Variants in CHSY3 observed in about 807,000 individuals in gnomAD.
The protein encoded by CHSY3 is N-acetylgalactosaminyl-proteoglycan 3-beta-glucuronosyltransferase 3.
In CHSY3, 35 loss-of-function variants were observed where a neutral mutation model predicts 67.2. The observed-to-expected ratio is 0.52, with a 90% confidence interval of 0.40 to 0.69. CHSY3 has a LOEUF of 0.69. CHSY3 is among the 30% of genes least tolerant of loss of function. CHSY3 has a pLI of 0.00. For synonymous variants in CHSY3, 474 were observed against 434.7 expected, an observed-to-expected ratio of 1.09 and a Z score of -1.12; for missense variants, 1,069 against 1,138.5, an observed-to-expected ratio of 0.94 and a Z score of 0.88.
intron 2 of CHSY3, among the ~76,000 whole-genome samples, chr5:130,096,613 CAAAAT>C (rs1767056081): frequency 6.6e-6 from 1 of 152,130 alleles, no homozygotes; most frequent in Non-Finnish European, 1.5e-5. Flanking sequence ...AAAGTTATCT[CAAAAT>C]AAAGTTTTTT....
chr5:130,176,253 G>A (rs1057342258), intron 2 of CHSY3, among the ~76,000 whole-genome samples: 1 of 151,904 alleles, frequency 6.6e-6, no homozygotes, highest in African/African-American at 2.4e-5. Flanking sequence ...GAAAAAAAAA[G>A]CCCATCATCA....
chr5:130,148,210 T>A (rs1196445183), intron 2 of CHSY3, among the ~76,000 whole-genome samples: 1 of 152,216 alleles, frequency 6.6e-6, no homozygotes, highest in Non-Finnish European at 1.5e-5. Context: ...TCCGTTCATG[T>A]TCCTGCAAAG....
chr5:129,937,227 A>C (rs1164450762), intron 2 of CHSY3, among the ~76,000 whole-genome samples: 1 of 152,178 alleles, frequency 6.6e-6, no homozygotes. Context: ...AGCCCTCAGG[A>C]AACTTTATGG....
At chr5:130,015,712 C>T (rs79133056) in intron 2 of CHSY3, among the ~76,000 whole-genome samples, 1,973 of 152,270 alleles carry the variant, frequency 0.013, 141 homozygotes, top group Admixed American at 0.1. Flanking sequence ...TATGATTCAA[C>T]CCATCAATCC....
At chr5:129,997,016 C>T (rs1231218672) in intron 2 of CHSY3, among the ~76,000 whole-genome samples, 3 of 151,774 alleles carry the variant, frequency 2.0e-5, no homozygotes, top group Non-Finnish European at 4.4e-5. Context: ...ACTATGCCTT[C>T]TGTCAATACT....
At chr5:130,045,426 A>G (rs1178438059) in intron 2 of CHSY3, among the ~76,000 whole-genome samples, 1 of 152,012 alleles carries the variant, frequency 6.6e-6, no homozygotes, top group Non-Finnish European at 1.5e-5. Context: ...AGTGTTTAGA[A>G]TGGAGTGGAG....
At chr5:130,039,260 G>A (rs1764942778) in intron 2 of CHSY3, among the ~76,000 whole-genome samples, 2 of 152,010 alleles carry the variant, frequency 1.3e-5, no homozygotes, top group African/African-American at 2.4e-5. Context: ...ACCAAGGCAC[G>A]AGGATTGCTT....
chr5:130,020,756 T>G (rs1444711327), intron 2 of CHSY3, among the ~76,000 whole-genome samples: 1 of 151,988 alleles, frequency 6.6e-6, no homozygotes, highest in African/African-American at 2.4e-5. Flanking sequence ...AGCAATAACT[T>G]ATGAAGTGTG....
chr5:130,006,467 T>C (rs1044347156), intron 2 of CHSY3, among the ~76,000 whole-genome samples: 1 of 152,184 alleles, frequency 6.6e-6, no homozygotes, highest in African/African-American at 2.4e-5. Context: ...TCTGTGATGA[T>C]CTGGGTTGAG....
chr5:130,085,575 A>G (rs1038878194), intron 2 of CHSY3, among the ~76,000 whole-genome samples: 9 of 151,906 alleles, frequency 5.9e-5, no homozygotes, highest in African/African-American at 1.9e-4. Context: ...TGGATTCATT[A>G]ATTTTTTGAA....
At chr5:130,143,770 ATATATATATATGTG>A (rs1404987724) in intron 2 of CHSY3, among the ~76,000 whole-genome samples, 15 of 82,436 alleles carry the variant, frequency 1.8e-4, no homozygotes, top group East Asian at 9.9e-4. Context: ...GTGTGTGTGT[ATATATATATATGTG>A]TATATATATA....
chr5:129,981,632 C>T (rs1460528279), intron 2 of CHSY3, among the ~76,000 whole-genome samples: 1 of 152,146 alleles, frequency 6.6e-6, no homozygotes, highest in Non-Finnish European at 1.5e-5. Context: ...AATCCTCCCA[C>T]CTCAGCCTCC....
At chr5:130,131,236 C>G (rs999608313) in intron 2 of CHSY3, among the ~76,000 whole-genome samples, 1 of 152,046 alleles carries the variant, frequency 6.6e-6, no homozygotes, top group Non-Finnish European at 1.5e-5. Flanking sequence ...TCTTCTCTTT[C>G]TCTCACTTTT....
intron 2 of CHSY3, among the ~76,000 whole-genome samples, chr5:130,036,851 A>C (rs948966966): frequency 1.1e-4 from 17 of 152,234 alleles, no homozygotes; most frequent in African/African-American, 4.1e-4. Context: ...AGATAGAAGA[A>C]TAACTCCACA....
At chr5:130,115,170 A>G (rs1767750474) in intron 2 of CHSY3, among the ~76,000 whole-genome samples, 1 of 152,026 alleles carries the variant, frequency 6.6e-6, no homozygotes, top group African/African-American at 2.4e-5. Context: ...TACAGTATGA[A>G]TGATTGCAGA....
At chr5:129,921,786 A>G (rs991523808) in intron 2 of CHSY3, among the ~76,000 whole-genome samples, 5 of 152,184 alleles carry the variant, frequency 3.3e-5, no homozygotes, top group South Asian at 4.1e-4. Flanking sequence ...GCCTATATCA[A>G]TTCAGGGTAA....
intron 2 of CHSY3, among the ~76,000 whole-genome samples, chr5:129,910,384 T>C (rs936662797): frequency 2.0e-5 from 3 of 152,036 alleles, no homozygotes; most frequent in African/African-American, 7.2e-5. Flanking sequence ...ATTTTCTAGA[T>C]AAGTACTGTT....
chr5:130,115,778 G>A (rs1039847244), intron 2 of CHSY3, among the ~76,000 whole-genome samples: 7 of 152,270 alleles, frequency 4.6e-5, no homozygotes, highest in African/African-American at 9.6e-5. Context: ...GCTAACTAAC[G>A]TAGTCTGAGC....
chr5:130,132,815 C>A (rs923394125), intron 2 of CHSY3, among the ~76,000 whole-genome samples: 1 of 152,100 alleles, frequency 6.6e-6, no homozygotes, highest in African/African-American at 2.4e-5. Context: ...CTTGCAATAA[C>A]CAGGATGTTT....
Sources: allele counts gnomAD v4.1 joint callset (sites outside exome capture counted in the v4.1 genomes callset), GRCh38; gene constraint gnomAD v4.1.1; transcripts MANE v1.5; gene names NCBI Gene and HGNC (gene_info 2026-07-23, HGNC 2026-07-21).